SEZ6L: variants seen among roughly 807,000 people sequenced by gnomAD.
SEZ6L encodes seizure related 6 homolog like, also known as seizure 6-like protein.
A neutral mutation model predicts 106.2 loss-of-function variants in SEZ6L; 37 were observed. That is an observed-to-expected ratio of 0.35 (90% CI 0.27 to 0.46). The LOEUF is 0.46. Among genes scored for constraint, SEZ6L ranks in the 20% least tolerant of loss-of-function variants. The probability of loss-of-function intolerance (pLI) is 1.00; values close to 1 mark genes in which losing one functional copy is unlikely to be tolerated. For synonymous variants in SEZ6L, 541 were observed against 570.4 expected (o/e 0.95, Z 0.73); for missense variants, 1,172 against 1,332.8 (o/e 0.88, Z 1.88).
intron 12 of SEZ6L, among the ~76,000 whole-genome samples, chr22:26,352,807 A>G (rs1056554666): frequency 6.6e-6 from 1 of 152,216 alleles, no homozygotes; most frequent in African/African-American, 2.4e-5. Flanking sequence ...CTGTCGTTGA[A>G]GACAGAGTAT....
intron 11 of SEZ6L, among the ~76,000 whole-genome samples, chr22:26,348,662 G>GAA (rs1286995177): frequency 8.5e-5 from 5 of 59,156 alleles, no homozygotes; most frequent in African/African-American, 4.3e-4. Flanking sequence ...AAGAAAGAAA[G>GAA]AAAGAAAGAA....
At chr22:26,244,771 C>A (rs781360760) in intron 1 of SEZ6L, 14 of 152,132 alleles carry the variant, frequency 9.2e-5, no homozygotes, top group Non-Finnish European at 1.6e-4. Flanking sequence ...GCCTACTACG[C>A]ACCAGGAGCT....
intron 9 of SEZ6L, among the ~76,000 whole-genome samples, chr22:26,338,309 C>T (rs1467771544): frequency 2.6e-5 from 4 of 152,240 alleles, no homozygotes; most frequent in Admixed American, 2.6e-4. Context: ...ATACCCCAGG[C>T]ACACTGACCA....
At chr22:26,257,360 T>C (rs2079856233) in intron 1 of SEZ6L, among the ~76,000 whole-genome samples, 1 of 152,182 alleles carries the variant, frequency 6.6e-6, no homozygotes, top group Non-Finnish European at 1.5e-5. Context: ...CAAAATCCCA[T>C]TTAACTTCTC....
Position 26,169,594 on chromosome 22 carries a change from C to T in SEZ6L, c.-76C>T. 2 of 519,236 alleles carry T rather than the reference C, an allele frequency of 3.9e-6. No homozygotes were observed. Among genetic ancestry groups the T allele is most frequent in the Non-Finnish European group, 6.2e-6 (2 of 321,514 alleles). The allele number at this position is 519,236 out of a possible 1,614,324, so 32.2% of individuals were successfully genotyped here. On this transcript the variant is annotated 5_prime_UTR_variant, in exon 1 of 17. Transcript: ENST00000248933. ...GCTCCCGCTTCCCCTTTCTCGCTCA[C>T]CGCCGCCCTCCTTCCCCAGCTCCCT...
intron 6 of SEZ6L, among the ~76,000 whole-genome samples, chr22:26,309,765 G>A (rs2081755796): frequency 6.6e-6 from 1 of 152,082 alleles, no homozygotes; most frequent in Admixed American, 6.5e-5. Flanking sequence ...TTTTAGTAGA[G>A]ACGGGGTTTC....
chr22:26,294,461 G>A (rs199835666), intron 3 of SEZ6L, 36 bp downstream of exon 3: 8 of 1,600,412 alleles, frequency 5.0e-6, no homozygotes, highest in Non-Finnish European at 6.0e-6. Flanking sequence ...AGGCTGCCTC[G>A]TCTAGCAGGA....
chr22:26,304,627 G>A (rs1413023632), intron 5 of SEZ6L, among the ~76,000 whole-genome samples: 1 of 152,102 alleles, frequency 6.6e-6, no homozygotes, highest in Non-Finnish European at 1.5e-5. Context: ...AGTAATAGAT[G>A]ATTCTGGTAA....
At chr22:26,341,467 C>G (rs1424111513) in intron 10 of SEZ6L, among the ~76,000 whole-genome samples, 3 of 152,152 alleles carry the variant, frequency 2.0e-5, no homozygotes, top group Admixed American at 2.0e-4. Flanking sequence ...GGACTGTATC[C>G]TCTCTTCCAG....
intron 11 of SEZ6L, 60 bp downstream of exon 11, chr22:26,347,973 C>CT: frequency 1.4e-6 from 2 of 1,406,846 alleles, no homozygotes; most frequent in Non-Finnish European, 1.9e-6. Context: ...TTCTAGGGAT[C>CT]TTTTTTTGGT....
At chr22:26,216,896 T>C (rs1165648859) in intron 1 of SEZ6L, among the ~76,000 whole-genome samples, 3 of 152,156 alleles carry the variant, frequency 2.0e-5, no homozygotes, top group Non-Finnish European at 4.4e-5. Flanking sequence ...GTAAAGTCAC[T>C]TGCTTAAGGC....
intron 1 of SEZ6L, among the ~76,000 whole-genome samples, chr22:26,244,163 A>AAAAG (rs147675419): frequency 0.028 from 4,231 of 149,598 alleles, 201 homozygotes; most frequent in African/African-American, 0.098. Context: ...ACCCTATCTC[A>AAAAG]AAAGAAAGAA....
intron 13 of SEZ6L, among the ~76,000 whole-genome samples, chr22:26,368,907 C>T (rs992355800): frequency 4.6e-5 from 7 of 152,122 alleles, no homozygotes; most frequent in African/African-American, 1.7e-4. Context: ...AAAGCTAGGA[C>T]TTGAACCCGC....
At chr22:26,333,068 A>C (rs1399705244) in intron 9 of SEZ6L, among the ~76,000 whole-genome samples, 1 of 152,256 alleles carries the variant, frequency 6.6e-6, no homozygotes, top group Non-Finnish European at 1.5e-5. Context: ...AAAGCTATCC[A>C]ATGGGACCAG....
At chr22:26,188,655 T>C (rs1465691485) in intron 1 of SEZ6L, among the ~76,000 whole-genome samples, 1 of 152,216 alleles carries the variant, frequency 6.6e-6, no homozygotes, top group Non-Finnish European at 1.5e-5. Flanking sequence ...CTGTACTCCA[T>C]CATTGGTTTA....
At chr22:26,221,997 A>G (rs2078490258) in intron 1 of SEZ6L, among the ~76,000 whole-genome samples, 1 of 152,160 alleles carries the variant, frequency 6.6e-6, no homozygotes, top group South Asian at 2.1e-4. Context: ...AGCTCCTAAT[A>G]CTATTTCCCT....
At chr22:26,304,176 A>AC (rs541083005) in intron 5 of SEZ6L, among the ~76,000 whole-genome samples, 171 of 152,004 alleles carry the variant, frequency 1.1e-3, no homozygotes, top group East Asian at 0.01. Flanking sequence ...AGATGGTGAA[A>AC]CCCCATCTCT....
chr22:26,353,815 A>G (rs1164648256), intron 12 of SEZ6L, among the ~76,000 whole-genome samples: 1 of 151,814 alleles, frequency 6.6e-6, no homozygotes, highest in African/African-American at 2.4e-5. Flanking sequence ...TGTAATTGTG[A>G]TCTTGATTAG....
intron 3 of SEZ6L, among the ~76,000 whole-genome samples, chr22:26,294,958 T>TCTTTCTTGCTTG (rs1556318840): frequency 8.3e-6 from 1 of 119,866 alleles, no homozygotes; most frequent in African/African-American, 3.4e-5. Flanking sequence ...TTTCTTTCTT[T>TCTTTCTTGCTTG]CTTGCTTGCT....
Sources: allele counts gnomAD v4.1 joint callset (sites outside exome capture counted in the v4.1 genomes callset), GRCh38; gene constraint gnomAD v4.1.1; transcripts MANE v1.5; gene names NCBI Gene and HGNC (gene_info 2026-07-23, HGNC 2026-07-21).